The following DNER variants were observed in gnomAD, a reference collection of about 807,000 sequenced individuals.
DNER encodes delta and Notch-like epidermal growth factor-related receptor.
In DNER, 33 loss-of-function variants were observed where a neutral mutation model predicts 78.2. The ratio of observed to expected loss-of-function variants is 0.42; its 90% CI spans 0.32 to 0.56. The LOEUF (loss-of-function observed/expected upper bound fraction) is 0.56. Ranked by LOEUF, DNER falls within the 20% of genes least tolerant of loss-of-function variation. The pLI is 0.11. For missense variants in DNER, 918 were observed against 975.3 expected, an observed-to-expected ratio of 0.94 and a Z score of 0.78; for synonymous variants, 417 against 384.8, an observed-to-expected ratio of 1.08 and a Z score of -0.98.
chr2:229,473,429 C>G (rs1266070200), intron 7 of DNER, among the ~76,000 whole-genome samples: 1 of 152,148 alleles, frequency 6.6e-6, no homozygotes, highest in African/African-American at 2.4e-5. Context: ...CCATTTCTGG[C>G]TATGTGACCT....
chr2:229,402,093 T>C (rs1313134700), intron 10 of DNER, among the ~76,000 whole-genome samples: 1 of 152,106 alleles, frequency 6.6e-6, no homozygotes, highest in Non-Finnish European at 1.5e-5. Context: ...TTTCACCATC[T>C]TGAAGTAGAC....
intron 1 of DNER, among the ~76,000 whole-genome samples, chr2:229,645,106 C>T (rs12105459): frequency 0.017 from 2,593 of 152,258 alleles, 66 homozygotes; most frequent in African/African-American, 0.06. Flanking sequence ...AAGCAATCAT[C>T]CTGCCTAAGC....
At chr2:229,485,833 C>A (rs1695258042) in intron 6 of DNER, among the ~76,000 whole-genome samples, 1 of 151,546 alleles carries the variant, frequency 6.6e-6, no homozygotes, top group South Asian at 2.1e-4. Context: ...AAAAAAAATT[C>A]TCCTGTGTTG....
intron 1 of DNER, among the ~76,000 whole-genome samples, chr2:229,694,216 A>G (rs1222967437): frequency 6.6e-6 from 1 of 152,256 alleles, no homozygotes; most frequent in Non-Finnish European, 1.5e-5. Context: ...CCTACATTTC[A>G]GAGGGTGCAT....
rs1322335854 is a variant in DNER at position 229,364,012 on chromosome 2, TTC to T, written c.2102+2859_2102+2860del. Among the ~76,000 whole-genome samples the T allele has an allele frequency of 2.3e-4, 30 of 132,916 alleles. 5 individuals are homozygous for T. Among genetic ancestry groups the T allele is most frequent in the East Asian group, 6.3e-4 (3 of 4,728 alleles). The allele number at this position is 132,916 out of a possible 152,430, so 87.2% of individuals were successfully genotyped here. ...TTTTTTTTTTTTTTTTTTTTTTTTT[TTC>T]TGAGACAGAGTCTCCCTCTGTCGCC... On this transcript the variant is annotated intron_variant, in intron 12 of 12. Coordinates refer to ENST00000341772, the MANE Select transcript of DNER (RefSeq NM_139072.4).
At chr2:229,693,647 A>T (rs1699616961) in intron 1 of DNER, among the ~76,000 whole-genome samples, 1 of 152,182 alleles carries the variant, frequency 6.6e-6, no homozygotes, top group South Asian at 2.1e-4. Context: ...CACTCTTGCT[A>T]TGCAAAGAGA....
intron 1 of DNER, among the ~76,000 whole-genome samples, chr2:229,609,183 A>G (rs1321260988): frequency 1.3e-5 from 2 of 152,202 alleles, no homozygotes; most frequent in African/African-American, 4.8e-5. Flanking sequence ...AGATCACGCC[A>G]CTGCACTCCA....
At chr2:229,700,559 T>C (rs1275334775) in intron 1 of DNER, among the ~76,000 whole-genome samples, 1 of 152,040 alleles carries the variant, frequency 6.6e-6, no homozygotes, top group African/African-American at 2.4e-5. Flanking sequence ...GGACTGAATA[T>C]GTAAACAGTC....
At chr2:229,384,782 C>T (rs1221622092) in intron 11 of DNER, among the ~76,000 whole-genome samples, 2 of 151,656 alleles carry the variant, frequency 1.3e-5, no homozygotes, top group Non-Finnish European at 2.9e-5. Context: ...GCCTACAAAC[C>T]AAAAAAAGCC....
At chr2:229,709,345 G>C (rs1041879613) in intron 1 of DNER, among the ~76,000 whole-genome samples, 1 of 152,152 alleles carries the variant, frequency 6.6e-6, no homozygotes, top group Non-Finnish European at 1.5e-5. Flanking sequence ...TGAACATTGA[G>C]GTTCAAGGAT....
chr2:229,388,347 G>T lies in DNER; in HGVS notation c.1773C>A (p.His591Gln), dbSNP rs532716043. ...GCTGGTCCAGGCAGCTCCCACCATG[G>T]TGGCAGGGGTTACTGTCACATTCAT... Reference protein sequence around the residue: ...DINECDSNPCHHGGSCLDQPN... With the variant: ...DINECDSNPCQHGGSCLDQPN... The change falls in exon 11 of 13, where the codon CAC (histidine) becomes CAA (glutamine). Residue 591 changes from histidine to glutamine, a missense_variant. His to Gln is a conservative substitution (Grantham distance 24). Coordinates refer to ENST00000341772, the MANE Select transcript of DNER (RefSeq NM_139072.4). The T allele has an allele frequency of 1.1e-5, 17 of 1,612,420 alleles. No individual in the cohort carries two copies. In the African/African-American group the frequency reaches 2.1e-4, roughly 20 times the overall value.
At chr2:229,630,259 G>A (rs575629283) in intron 1 of DNER, among the ~76,000 whole-genome samples, 18 of 152,092 alleles carry the variant, frequency 1.2e-4, no homozygotes, top group East Asian at 3.9e-4. Context: ...GAGGATCACC[G>A]GAGGTCAGGA....
intron 8 of DNER, among the ~76,000 whole-genome samples, chr2:229,425,727 G>A (rs1310369936): frequency 6.6e-6 from 1 of 152,164 alleles, no homozygotes; most frequent in Non-Finnish European, 1.5e-5. Context: ...TAAGATTCTA[G>A]CTGTAGCCAG....
chr2:229,516,752 T>C (rs1288607505), intron 5 of DNER, among the ~76,000 whole-genome samples: 1 of 143,710 alleles, frequency 7.0e-6, no homozygotes, highest in Non-Finnish European at 1.5e-5. Flanking sequence ...GCCACTGCAC[T>C]CTAGCCTGGG....
intron 1 of DNER, among the ~76,000 whole-genome samples, chr2:229,688,576 G>A (rs1246188923): frequency 1.3e-5 from 2 of 152,170 alleles, no homozygotes; most frequent in African/African-American, 2.4e-5. Flanking sequence ...GGCCCTCTAG[G>A]CAGCAGGGTG....
intron 12 of DNER, among the ~76,000 whole-genome samples, chr2:229,360,835 G>T (rs986325709): frequency 2.0e-5 from 3 of 152,158 alleles, no homozygotes; most frequent in African/African-American, 7.2e-5. Context: ...GAGCTGTGTG[G>T]CCCGGTCCTA....
chr2:229,434,921 TATATACACAC>T (rs1694088855), intron 8 of DNER, among the ~76,000 whole-genome samples: 1 of 61,524 alleles, frequency 1.6e-5, no homozygotes, highest in African/African-American at 4.1e-5. Flanking sequence ...TATATATATA[TATATACACAC>T]ACACACACAC....
intron 12 of DNER, among the ~76,000 whole-genome samples, chr2:229,361,083 A>C (rs1432061013): frequency 6.6e-6 from 1 of 152,216 alleles, no homozygotes; most frequent in African/African-American, 2.4e-5. Flanking sequence ...CGTCGTTTAT[A>C]GAAACACCAC....
intron 11 of DNER, among the ~76,000 whole-genome samples, chr2:229,380,763 A>G (rs1290345066): frequency 6.6e-6 from 1 of 151,876 alleles, no homozygotes; most frequent in Non-Finnish European, 1.5e-5. Flanking sequence ...CTTCTCTACT[A>G]AAAATACAAA....
Sources: gnomAD v4.1 joint callset for allele counts (sites outside exome capture counted in the v4.1 genomes callset) on GRCh38, gnomAD v4.1.1 for gene constraint, MANE v1.5 for transcripts, NCBI Gene and HGNC (gene_info 2026-07-23, HGNC 2026-07-21) for gene names.